The following PELO variants were observed in gnomAD, a reference collection of about 807,000 sequenced individuals.
The protein encoded by PELO is protein pelota homolog.
Under a neutral mutation model 25.9 loss-of-function variants are expected in PELO, and 19 were observed. That is an observed-to-expected ratio of 0.73 (90% CI 0.51 to 1.08). The LOEUF is 1.08. Among genes scored for constraint, PELO ranks in the 50% least tolerant of loss-of-function variants. The pLI is 0.00. For synonymous variants in PELO, 196 were observed against 192.2 expected, an observed-to-expected ratio of 1.02 and a Z score of -0.16; for missense variants, 498 against 491.4, an observed-to-expected ratio of 1.01 and a Z score of -0.13.
rs1419308441 is a variant in PELO at position 52,788,354 on chromosome 5, A to T, written c.-571A>T. 2 of 1,508,872 alleles carry T rather than the reference A, an allele frequency of 1.3e-6. No individual in the cohort carries two copies. The highest frequency in any genetic ancestry group is 1.2e-5 in the South Asian group (1 of 81,252). The allele number at this position is 1,508,872 out of a possible 1,614,324, so 93.5% of individuals were successfully genotyped here. On this transcript the variant is annotated 5_prime_UTR_variant, in exon 1 of 3. It removes an upstream start codon present in the reference 5' UTR. Coordinates refer to ENST00000274311, the MANE Select transcript of PELO (RefSeq NM_015946.5). ...CCCTGGCGCTGAGGCTGCTCCGGCC[A>T]TGGCCCCTCGGCCCCGCGCCCGCCC...
In PELO at chr5:52,801,435, C is replaced by T; in HGVS notation, c.753C>T (p.Tyr251=). The change falls in exon 3 of 3, where the codon TAC becomes TAT. Residue 251 remains tyrosine (Y), a synonymous_variant. Transcript: ENST00000274311. ...TACATGCCTCCTCCGGACACAAGTA[C>T]TCCCTGAAAGAGGCCCTTTGTGACC... ...LQVHASSGHK[Y]SLKEALCDPT... is the part of the protein sequence containing the mutation. 2 of 1,613,798 alleles carry T rather than the reference C, an allele frequency of 1.2e-6. No individual in the cohort carries two copies. Among genetic ancestry groups the T allele is most frequent in the Admixed American group, 3.3e-5 (2 of 60,010 alleles).
In PELO at chr5:52,800,599, G is replaced by A; in HGVS notation, c.205G>A (p.Val69Met). The change falls in exon 2 of 3, where the codon GTG becomes ATG. Residue 69 changes from valine to methionine, a missense_variant. By Grantham distance (21) the Val-to-Met change is conservative. Coordinates refer to ENST00000274311, the MANE Select transcript of PELO (RefSeq NM_015946.5). The part of the protein sequence containing the change: ...NRVRTTLTLC[V>M]EAIDFDSQAC... The stretch of plus-strand genomic sequence containing the variant: ...GGTCCGCACTACCCTCACTCTCTGC[G>A]TGGAGGCCATCGACTTCGACTCTCA... 3 of 1,613,730 alleles carry A rather than the reference G, an allele frequency of 1.9e-6. No individual in the cohort carries two copies. Among genetic ancestry groups the A allele is most frequent in the Non-Finnish European group, 2.5e-6 (3 of 1,179,772 alleles).
chr5:52,794,110 C>T (rs975494540), intron 1 of PELO, among the ~76,000 whole-genome samples: 3 of 151,860 alleles, frequency 2.0e-5, no homozygotes, highest in African/African-American at 4.8e-5. Flanking sequence ...CAGGAGATCC[C>T]TATTAACAAG....
rs1229266535 is a variant in PELO at position 52,802,652 on chromosome 5, A to G, written c.*812A>G. On this transcript the variant is annotated 3_prime_UTR_variant, in exon 3 of 3. Coordinates refer to ENST00000274311, the MANE Select transcript of PELO (RefSeq NM_015946.5). ...AAGCTGGAAGTCATTCCCAGTCTGG[A>G]CTTTAGTTCTTTGCGCCAAAACATG... 6.6e-6 allele frequency: 1 copy of G among 152,130 alleles called. No individual in the cohort carries two copies. The highest frequency in any genetic ancestry group is 1.5e-5 in the Non-Finnish European group (1 of 68,020). The allele number at this position is 152,130 out of a possible 1,614,324, so 9.4% of individuals were successfully genotyped here. A position where few individuals can be genotyped will look rare whatever the true frequency, so the allele number is the denominator to read the frequency against.
intron 1 of PELO, among the ~76,000 whole-genome samples, chr5:52,792,045 A>G (rs1748252629): frequency 6.6e-6 from 1 of 152,234 alleles, no homozygotes; most frequent in Admixed American, 6.5e-5. Context: ...AATTAATGAT[A>G]CAAGTCAATC....
chr5:52,801,491 A>C lies in PELO; in HGVS notation c.809A>C (p.Lys270Thr), dbSNP rs774215540. 1 of 1,614,040 alleles carries C rather than the reference A, an allele frequency of 6.2e-7. No individual in the cohort carries two copies. The highest frequency in any genetic ancestry group is 1.1e-5 in the South Asian group (1 of 91,082). ...PTVASRLSDT[K>T]AAGEVKALDD... ...GTGGCTAGCCGCCTTTCAGACACTA[A>C]AGCTGCTGGGGAAGTCAAAGCCTTG... The change falls in exon 3 of 3, where the codon AAA (lysine) becomes ACA (threonine). Residue 270 changes from lysine (K) to threonine (T), a missense_variant. Physicochemically the swap from Lys to Thr is moderately conservative, Grantham distance 78. Transcript: ENST00000274311.
chr5:52,798,017 T>C (rs1234321263), intron 1 of PELO, among the ~76,000 whole-genome samples: 2 of 152,212 alleles, frequency 1.3e-5, no homozygotes, highest in Non-Finnish European at 2.9e-5. Flanking sequence ...TTCAAAATTA[T>C]CTCCTCATTC....
intron 1 of PELO, among the ~76,000 whole-genome samples, chr5:52,789,177 T>C (rs1748190822): frequency 6.6e-6 from 1 of 152,044 alleles, no homozygotes; most frequent in Non-Finnish European, 1.5e-5. Flanking sequence ...ATTTTCCCAA[T>C]AATGAACTCA....
rs1748454006 is a variant in PELO, at chr5:52,800,608, A to G, written c.214A>G (p.Ile72Val). Residue 72 changes from isoleucine (I) to valine (V), a missense_variant, in exon 2 of 3, where the codon ATC becomes GTC. Physicochemically the swap from Ile to Val is conservative, Grantham distance 29. Transcript: ENST00000274311. ...RTTLTLCVEA[I>V]DFDSQACQLR... ...TACCCTCACTCTCTGCGTGGAGGCC[A>G]TCGACTTCGACTCTCAAGCCTGCCA... The G allele has an allele frequency of 4.3e-6, 7 of 1,613,864 alleles. No individual in the cohort carries two copies. Among genetic ancestry groups the G allele is most frequent in the Non-Finnish European group, 5.1e-6 (6 of 1,179,860 alleles).
chr5:52,790,029 G>A (rs921130413), intron 1 of PELO, among the ~76,000 whole-genome samples: 4 of 152,110 alleles, frequency 2.6e-5, no homozygotes, highest in East Asian at 3.8e-4. Flanking sequence ...ATCTGAAATT[G>A]GACTGCTTTC....
rs574757171 is a variant in PELO, at chr5:52,795,600, A to C, written c.-510-4285A>C. Among the ~76,000 whole-genome samples the C allele has an allele frequency of 7.0e-4, 106 of 152,036 alleles. 1 individual carries two copies. Among genetic ancestry groups the C allele is most frequent in the Middle Eastern group, 3.4e-3 (1 of 294 alleles). Reference sequence around the variant, plus strand: ...CTGAATAACATAAATAACATAAATAAATGTACCCCAAAGATTATCCATCAG... The same window carrying C: ...CTGAATAACATAAATAACATAAATACATGTACCCCAAAGATTATCCATCAG... On this transcript the variant is annotated intron_variant, in intron 1 of 2. Coordinates refer to ENST00000274311, the MANE Select transcript of PELO (RefSeq NM_015946.5).
In PELO at chr5:52,799,985, A is replaced by AGCGCCTCACAGCTTAGT. The variant is rs1748422391; in HGVS notation, c.-403_-387dup. On this transcript the variant is annotated 5_prime_UTR_variant, in exon 2 of 3. Coordinates refer to ENST00000274311, the MANE Select transcript of PELO (RefSeq NM_015946.5). ...TTCTTGAGGGAGTTCATTCGTCCGG[A>AGCGCCTCACAGCTTAGT]GCGCCTCACAGCTTAGTGCGCCTGC... 4.2e-6 allele frequency: 1 copy of AGCGCCTCACAGCTTAGT among 236,410 alleles called. No individual in the cohort carries two copies. The highest frequency in any genetic ancestry group is 2.3e-5 in the African/African-American group (1 of 43,336). The allele number at this position is 236,410 out of a possible 1,614,324, so 14.6% of individuals were successfully genotyped here.
At chr5:52,788,603 T>C (rs893675225) in intron 1 of PELO, among the ~76,000 whole-genome samples, 189 bp downstream of exon 1, 6 of 152,134 alleles carry the variant, frequency 3.9e-5, no homozygotes, top group African/African-American at 1.2e-4. Flanking sequence ...TATGAATTAG[T>C]TTTCGTGTCT....
rs1451799625 is a variant in PELO at position 52,801,986 on chromosome 5, T to C, written c.*146T>C. On this transcript the variant is annotated 3_prime_UTR_variant, in exon 3 of 3. Coordinates refer to ENST00000274311, the MANE Select transcript of PELO (RefSeq NM_015946.5). ...ATGTCTTTGGCTACACTAGATATTTTGTGATTGGCAAGACATGTATTTAAA... is the reference window on the plus strand; with the variant it reads ...ATGTCTTTGGCTACACTAGATATTTCGTGATTGGCAAGACATGTATTTAAA... 1.7e-6 allele frequency: 1 copy of C among 586,824 alleles called. No individual in the cohort carries two copies. The highest frequency in any genetic ancestry group is 1.9e-5 in the African/African-American group (1 of 53,802). The allele number at this position is 586,824 out of a possible 1,614,324, so 36.4% of individuals were successfully genotyped here.
intron 1 of PELO, among the ~76,000 whole-genome samples, chr5:52,796,365 G>A (rs1258528713): frequency 6.6e-6 from 1 of 151,752 alleles, no homozygotes; most frequent in African/African-American, 2.4e-5. Context: ...AGGGAAAATA[G>A]ATATAATTAA....
intron 1 of PELO, among the ~76,000 whole-genome samples, chr5:52,795,395 A>T (rs1748321717): frequency 6.6e-6 from 1 of 151,916 alleles, no homozygotes; most frequent in South Asian, 2.1e-4. Flanking sequence ...GAAAATTTAT[A>T]CAGCCCCGAC....
intron 1 of PELO, among the ~76,000 whole-genome samples, chr5:52,795,298 C>T (rs1748319357): frequency 6.6e-6 from 1 of 151,786 alleles, no homozygotes; most frequent in South Asian, 2.1e-4. Flanking sequence ...GAGAGGCTCC[C>T]AAGGTGCTTT....
chr5:52,791,018 TTTACA>T (rs1413277643), intron 1 of PELO, among the ~76,000 whole-genome samples: 1 of 152,150 alleles, frequency 6.6e-6, no homozygotes, highest in East Asian at 1.9e-4. Context: ...CCAAACTGGG[TTTACA>T]TCAGAACAAC....
chr5:52,793,940 G>A (rs1223873548), intron 1 of PELO, among the ~76,000 whole-genome samples: 1 of 151,968 alleles, frequency 6.6e-6, no homozygotes, highest in East Asian at 1.9e-4. Context: ...AAGCTCCAGG[G>A]TTGTGTATAT....
Sources: allele counts gnomAD v4.1 joint callset (sites outside exome capture counted in the v4.1 genomes callset), GRCh38; gene constraint gnomAD v4.1.1; transcripts MANE v1.5; gene names NCBI Gene and HGNC (gene_info 2026-07-23, HGNC 2026-07-21).